The following TRIM64B variants were observed in gnomAD, a reference collection of about 807,000 sequenced individuals.
TRIM64B encodes the protein tripartite motif containing 64B, also known as tripartite motif-containing protein 64B.
For missense variants in TRIM64B, 57 were observed against 536.4 expected (o/e 0.11, Z 8.83); for synonymous variants, 17 against 190.3 (o/e 0.09, Z 7.50).
At chr11:89,874,146 T>G (rs1282751090) in exon 3 of TRIM64B, 41 of 1,547,232 alleles carry the variant, frequency 2.6e-5, no homozygotes, top group Non-Finnish European at 3.4e-5. Flanking sequence ...CACTTGACTG[T>G]CTTGTAGTTG....
intron 4 of TRIM64B, among the ~76,000 whole-genome samples, chr11:89,872,895 C>G (rs1432227605): frequency 6.6e-6 from 1 of 150,748 alleles, no homozygotes; most frequent in African/African-American, 2.5e-5. Flanking sequence ...TCAGCCCATC[C>G]TTAGGGAATC....
chr11:89,876,975 G>A (rs1419555378), upstream of TRIM64B, among the ~76,000 whole-genome samples: 139 of 147,000 alleles, frequency 9.5e-4, 1 homozygote, highest in African/African-American at 3.1e-3. Flanking sequence ...GATGATTTCT[G>A]AGTCACTTAT....
At chr11:89,872,577 G>T (rs1950122253) in intron 4 of TRIM64B, among the ~76,000 whole-genome samples, 1 of 151,780 alleles carries the variant, frequency 6.6e-6, no homozygotes, top group African/African-American at 2.4e-5. Context: ...GCCTCCCTCT[G>T]CCCATCACAC....
At chr11:89,872,786 C>T (rs1950124811) in intron 4 of TRIM64B, among the ~76,000 whole-genome samples, 2 of 151,754 alleles carry the variant, frequency 1.3e-5, no homozygotes, top group Admixed American at 6.5e-5. Flanking sequence ...TGCTGAGGGG[C>T]CCGAGGCAAC....
upstream of TRIM64B, chr11:89,876,104 G>T: frequency 8.2e-7 from 1 of 1,225,196 alleles, no homozygotes; most frequent in Admixed American, 3.3e-5. Flanking sequence ...AAGGCCGGTG[G>T]ACAATTTTCC....
upstream of TRIM64B, among the ~76,000 whole-genome samples, chr11:89,877,281 T>A (rs1455649690): frequency 9.2e-6 from 1 of 108,486 alleles, no homozygotes; most frequent in East Asian, 2.4e-4. Context: ...TAAATGTAAA[T>A]AATATCTATT....
In TRIM64B at chr11:89,875,415, T is replaced by C. The variant is rs1469822272; in HGVS notation, c.408+195A>G. Among the ~76,000 whole-genome samples the C allele has an allele frequency of 5.8e-3, 877 of 150,976 alleles. 2 individuals are homozygous for C. The highest frequency in any genetic ancestry group is 0.011 in the Middle Eastern group (3 of 276). ...ATGTTTCTAAGGAGACCTCCTTTAG[T>C]GAAGTCTCAACACAGCTATGATTAG... On this transcript the variant is annotated intron_variant, in intron 1 of 5. Transcript: ENST00000329862.
intron 4 of TRIM64B, among the ~76,000 whole-genome samples, chr11:89,873,063 G>A (rs1263379189): frequency 2.0e-5 from 3 of 152,060 alleles, no homozygotes; most frequent in Non-Finnish European, 4.4e-5. Context: ...CTTCCGAATG[G>A]CAAATTGTTT....
chr11:89,871,413 A>G (rs1383758114), intron 5 of TRIM64B, among the ~76,000 whole-genome samples: 2 of 152,230 alleles, frequency 1.3e-5, no homozygotes, highest in Admixed American at 6.5e-5. Context: ...TTTTTCTTCA[A>G]TAGAAAACTC....
upstream of TRIM64B, among the ~76,000 whole-genome samples, chr11:89,877,584 ATTTTCTTTCTTTCT>A (rs1950172998): frequency 7.2e-6 from 1 of 139,254 alleles, no homozygotes; most frequent in Admixed American, 7.1e-5. Flanking sequence ...CTATTGATCT[ATTTTCTTTCTTTCT>A]TTTTCTTTTT....
chr11:89,873,089 T>C (rs1325259320), intron 4 of TRIM64B, among the ~76,000 whole-genome samples, 179 bp downstream of exon 5: 1 of 152,134 alleles, frequency 6.6e-6, no homozygotes, highest in Non-Finnish European at 1.5e-5. Context: ...TATGTTTTAA[T>C]TCATACAAAT....
upstream of TRIM64B, among the ~76,000 whole-genome samples, chr11:89,876,344 A>G (rs1249650023): frequency 1.4e-5 from 2 of 146,166 alleles, no homozygotes; most frequent in African/African-American, 4.9e-5. Flanking sequence ...TTATGTCTAG[A>G]TTACTTTGAA....
Position 89,875,489 on chromosome 11 carries a change from A to G in TRIM64B, c.408+121T>C. On this transcript the variant is annotated intron_variant, in intron 1 of 5. Coordinates refer to ENST00000329862, the Ensembl canonical transcript of TRIM64B. ...TGAAAGGACACATTCATGTGTTATGATTGACATGGAATAATCACCACCTCC... is the reference window on the plus strand; with the variant it reads ...TGAAAGGACACATTCATGTGTTATGGTTGACATGGAATAATCACCACCTCC... The G allele has an allele frequency of 2.1e-6, 3 of 1,409,638 alleles. No individual in the cohort carries two copies. The South Asian group carries it at 4.2e-5, about 20-fold the overall frequency. 87.3% of individuals were successfully genotyped at this position (1,409,638 alleles called of 1,614,324 possible). A position where few individuals can be genotyped will look rare whatever the true frequency, so the allele number is the denominator to read the frequency against.
intron 3 of TRIM64B, 66 bp from the exon 5 acceptor site, chr11:89,873,356 CTTGT>C: frequency 6.5e-6 from 10 of 1,536,244 alleles, no homozygotes; most frequent in Non-Finnish European, 8.8e-6. Context: ...TTCTCATACT[CTTGT>C]TTCTTTCTGT....
At chr11:89,875,615 A>G in exon 1 of TRIM64B, 2 of 1,506,222 alleles carry the variant, frequency 1.3e-6, no homozygotes, top group African/African-American at 1.4e-5. Flanking sequence ...CGTACCCTGC[A>G]TTCCTCAGCA....
chr11:89,878,109 C>T (rs1950176544), upstream of TRIM64B, among the ~76,000 whole-genome samples: 1 of 143,492 alleles, frequency 7.0e-6, no homozygotes, highest in Admixed American at 7.1e-5. Flanking sequence ...TTTATGGGTT[C>T]TATCATTGCA....
intron 5 of TRIM64B, among the ~76,000 whole-genome samples, 164 bp from the exon 7 acceptor site, chr11:89,871,278 A>G (rs1284411760): frequency 6.6e-6 from 1 of 152,240 alleles, no homozygotes; most frequent in African/African-American, 2.4e-5. Flanking sequence ...TTACACCTCT[A>G]CAGCACATAC....
At chr11:89,871,399 T>G (rs1477426781) in intron 5 of TRIM64B, among the ~76,000 whole-genome samples, 1 of 152,238 alleles carries the variant, frequency 6.6e-6, no homozygotes, top group East Asian at 1.9e-4. Flanking sequence ...ATGCAAAATG[T>G]TTTTTTTTCT....
chr11:89,872,891 C>A (rs1950126133), intron 4 of TRIM64B, among the ~76,000 whole-genome samples: 1 of 151,228 alleles, frequency 6.6e-6, no homozygotes, highest in Admixed American at 6.6e-5. Flanking sequence ...CTCCTCAGCC[C>A]ATCCTTAGGG....
Sources: allele counts gnomAD v4.1 joint callset (sites outside exome capture counted in the v4.1 genomes callset), GRCh38; gene constraint gnomAD v4.1.1; transcripts MANE v1.5; gene names NCBI Gene and HGNC (gene_info 2026-07-23, HGNC 2026-07-21).